Variants in MAST4 observed in about 807,000 individuals in gnomAD.
The protein encoded by MAST4 is microtubule-associated serine/threonine-protein kinase 4.
A neutral mutation model predicts 162.7 loss-of-function variants in MAST4; 89 were observed. That is an observed-to-expected ratio of 0.55 (90% CI 0.46 to 0.65). MAST4 has a LOEUF of 0.65. Among genes scored for constraint, MAST4 ranks in the 30% least tolerant of loss-of-function variants. The pLI is 0.00. For synonymous variants in MAST4, 1,479 were observed against 1,361.1 expected, an observed-to-expected ratio of 1.09 and a Z score of -1.91; for missense variants, 3,153 against 3,374.0, an observed-to-expected ratio of 0.93 and a Z score of 1.62.
intron 1 of MAST4, among the ~76,000 whole-genome samples, chr5:66,689,719 A>G (rs1748915735): frequency 6.6e-6 from 1 of 152,188 alleles, no homozygotes; most frequent in African/African-American, 2.4e-5. Context: ...TCCAGTGACT[A>G]TGTAACTTTA....
chr5:67,161,071 G>A (rs1218113979), intron 27 of MAST4, among the ~76,000 whole-genome samples: 1 of 152,162 alleles, frequency 6.6e-6, no homozygotes, highest in East Asian at 1.9e-4. Flanking sequence ...ACTGAAAAAC[G>A]AACTAGCTTA....
At chr5:66,761,313 C>CA (rs1199113855) in intron 2 of MAST4, among the ~76,000 whole-genome samples, 21 of 152,090 alleles carry the variant, frequency 1.4e-4, no homozygotes, top group African/African-American at 5.1e-4. Flanking sequence ...TTTTTGACTG[C>CA]AAAATACCCA....
intron 4 of MAST4, among the ~76,000 whole-genome samples, chr5:66,984,747 A>T (rs1159054650): frequency 1.6e-5 from 2 of 128,382 alleles, no homozygotes; most frequent in Non-Finnish European, 3.2e-5. Flanking sequence ...CCAAGGGATG[A>T]GTTGGAGGAT....
At chr5:66,664,646 A>G (rs1250151064) in intron 1 of MAST4, among the ~76,000 whole-genome samples, 2 of 151,704 alleles carry the variant, frequency 1.3e-5, no homozygotes, top group East Asian at 1.9e-4. Context: ...GGATGAGGCC[A>G]TGAACTTGTA....
chr5:66,850,837 A>C (rs1399897041), intron 3 of MAST4, among the ~76,000 whole-genome samples: 3 of 151,868 alleles, frequency 2.0e-5, no homozygotes, highest in African/African-American at 7.3e-5. Flanking sequence ...AAATTACTCC[A>C]TTTCAGAGTG....
chr5:67,068,160 C>T (rs1027613579), intron 5 of MAST4, among the ~76,000 whole-genome samples: 2 of 152,198 alleles, frequency 1.3e-5, no homozygotes, highest in African/African-American at 4.8e-5. Flanking sequence ...TTGATTCACT[C>T]TTCTCTCTGG....
At chr5:66,625,168 A>T (rs372590307) in intron 1 of MAST4, among the ~76,000 whole-genome samples, 1 of 151,984 alleles carries the variant, frequency 6.6e-6, no homozygotes, top group Non-Finnish European at 1.5e-5. Context: ...CCTTTCCTTC[A>T]TGTGTGCGTG....
chr5:66,919,577 C>T (rs531662278), intron 4 of MAST4, among the ~76,000 whole-genome samples: 2 of 148,978 alleles, frequency 1.3e-5, no homozygotes, highest in South Asian at 4.3e-4. Context: ...AGGAGAATCG[C>T]TTGAACCCAC....
intron 14 of MAST4, among the ~76,000 whole-genome samples, chr5:67,126,519 G>A (rs1350599016): frequency 6.6e-6 from 1 of 152,106 alleles, no homozygotes; most frequent in African/African-American, 2.4e-5. Context: ...CCCATTGCTT[G>A]TTTTTGTCAA....
intron 6 of MAST4, chr5:67,094,142 C>A: frequency 6.7e-7 from 1 of 1,483,924 alleles, no homozygotes; most frequent in South Asian, 1.3e-5. Flanking sequence ...CATTTGTACT[C>A]CAATCATGGT....
At chr5:67,095,816 CA>C (rs2150823675) in intron 7 of MAST4, 141 bp downstream of exon 7, 1 of 535,942 alleles carries the variant, frequency 1.9e-6, no homozygotes, top group Non-Finnish European at 3.1e-6. Flanking sequence ...AGTGACACAT[CA>C]AATGATGGCC....
chr5:66,700,438 C>T (rs1749693514), intron 1 of MAST4, among the ~76,000 whole-genome samples: 1 of 151,708 alleles, frequency 6.6e-6, no homozygotes, highest in African/African-American at 2.4e-5. Flanking sequence ...TTATATTAAC[C>T]TTGTCAGAAC....
intron 1 of MAST4, among the ~76,000 whole-genome samples, chr5:66,678,643 C>T (rs541305018): frequency 1.1e-4 from 17 of 151,332 alleles, no homozygotes; most frequent in Admixed American, 7.9e-4. Flanking sequence ...TACCGGTGCA[C>T]GCCACCACAC....
chr5:66,675,156 G>A (rs1265677216), intron 1 of MAST4, among the ~76,000 whole-genome samples: 1 of 152,184 alleles, frequency 6.6e-6, no homozygotes, highest in Admixed American at 6.5e-5. Flanking sequence ...TATTTGCTGA[G>A]CCTGGGTAAA....
chr5:66,906,343 G>C (rs1459458112), intron 4 of MAST4, among the ~76,000 whole-genome samples: 1 of 152,142 alleles, frequency 6.6e-6, no homozygotes, highest in Non-Finnish European at 1.5e-5. Context: ...TCAGTCAGAT[G>C]GGGGACTTAG....
chr5:66,635,471 T>G (rs78253516), intron 1 of MAST4, among the ~76,000 whole-genome samples: 3,444 of 152,260 alleles, frequency 0.023, 79 homozygotes, highest in African/African-American at 0.058. Context: ...CAGAAAAATG[T>G]TTTCTAGGAT....
intron 3 of MAST4, among the ~76,000 whole-genome samples, chr5:66,819,703 G>T (rs1756898647): frequency 1.3e-5 from 2 of 149,048 alleles, no homozygotes; most frequent in Admixed American, 1.3e-4. Flanking sequence ...TACATTTTTT[G>T]TTTTTTTGGG....
chr5:66,924,046 G>A (rs1161423049), intron 4 of MAST4, among the ~76,000 whole-genome samples: 1 of 152,070 alleles, frequency 6.6e-6, no homozygotes, highest in Non-Finnish European at 1.5e-5. Context: ...CATATGATAG[G>A]GTTTTAAAAA....
At chr5:66,623,817 CA>C (rs1580016808) in intron 1 of MAST4, among the ~76,000 whole-genome samples, 1 of 152,220 alleles carries the variant, frequency 6.6e-6, no homozygotes, top group East Asian at 1.9e-4. Context: ...AGGGAAGAGG[CA>C]AAATTATCTG....
Sources: allele counts gnomAD v4.1 joint callset (sites outside exome capture counted in the v4.1 genomes callset), GRCh38; gene constraint gnomAD v4.1.1; transcripts MANE v1.5; gene names NCBI Gene and HGNC (gene_info 2026-07-23, HGNC 2026-07-21).